The following SCN8A variants were observed in gnomAD, a reference collection of about 807,000 sequenced individuals.
SCN8A encodes sodium voltage-gated channel alpha subunit 8.
A neutral mutation model predicts 184.1 loss-of-function variants in SCN8A; 30 were observed. The observed-to-expected ratio is 0.16, with a 90% CI of 0.12 to 0.22. The LOEUF (loss-of-function observed/expected upper bound fraction) is 0.22, where lower values mean the gene tolerates loss of function less well. SCN8A is among the 10% of genes least tolerant of loss of function. SCN8A has a pLI of 1.00. For missense variants in SCN8A, 1,057 were observed against 2,498.9 expected (o/e 0.42, Z 12.30); for synonymous variants, 852 against 907.0 (o/e 0.94, Z 1.09).
chr12:51,711,664 C>T (rs1941878550), intron 11 of SCN8A, among the ~76,000 whole-genome samples: 1 of 151,172 alleles, frequency 6.6e-6, no homozygotes, highest in Non-Finnish European at 1.5e-5. Context: ...TTTCTCACAA[C>T]ATAGTTCAGT....
intron 1 of SCN8A, among the ~76,000 whole-genome samples, chr12:51,646,071 A>G (rs1318763875): frequency 6.6e-6 from 1 of 151,624 alleles, no homozygotes; most frequent in East Asian, 1.9e-4. Flanking sequence ...AAATGAGGAA[A>G]TGGTGGCCCC....
intron 1 of SCN8A, among the ~76,000 whole-genome samples, chr12:51,617,943 A>G (rs1352454937): frequency 6.6e-6 from 1 of 152,178 alleles, no homozygotes. Context: ...TGTGCTGTTT[A>G]GGGCCAGATA....
chr12:51,639,344 AG>A (rs1163103920), intron 1 of SCN8A, among the ~76,000 whole-genome samples: 3 of 152,340 alleles, frequency 2.0e-5, no homozygotes, highest in Middle Eastern at 6.8e-3. Flanking sequence ...CAATATATTT[AG>A]AATATTCCCT....
intron 6 of SCN8A, 102 bp downstream of exon 6, chr12:51,689,198 G>A (rs767583082): frequency 1.1e-6 from 1 of 884,490 alleles, no homozygotes; most frequent in East Asian, 2.7e-5. Context: ...GTTGATAATG[G>A]CCTTGCATTC....
In SCN8A at chr12:51,769,065, G is replaced by A. The variant is rs912679379; in HGVS notation, c.3102G>A (p.Leu1034=). 4 of 1,613,848 alleles carry A rather than the reference G, an allele frequency of 2.5e-6. No individual in the cohort carries two copies. The African/African-American group carries it at 5.3e-5, about 22-fold the overall frequency. Residue 1034 remains leucine (L), a synonymous_variant, in exon 17 of 27, where the codon CTG becomes CTA. Coordinates refer to ENST00000627620, the MANE Select transcript of SCN8A (RefSeq NM_001330260.2). ...GTGAGGCTGATGAGGTGAAGCCTCT[G>A]GATGAGTTGTATGAAAAGAAGGCCA... ...KQREADEVKP[L]DELYEKKANC...
intron 19 of SCN8A, 83 bp downstream of exon 19, chr12:51,770,766 C>A: frequency 7.0e-7 from 1 of 1,422,406 alleles, no homozygotes; most frequent in South Asian, 1.3e-5. Flanking sequence ...AGGCCAAAGC[C>A]CAGTGGCTCT....
intron 1 of SCN8A, among the ~76,000 whole-genome samples, chr12:51,600,968 G>A (rs1022892192): frequency 6.6e-6 from 1 of 152,170 alleles, no homozygotes; most frequent in Non-Finnish European, 1.5e-5. Context: ...TCATGTACAA[G>A]ATGTTAATAA....
intron 1 of SCN8A, among the ~76,000 whole-genome samples, chr12:51,655,294 T>C (rs1940799602): frequency 6.6e-6 from 1 of 152,222 alleles, no homozygotes; most frequent in South Asian, 2.1e-4. Flanking sequence ...ACTGGTTTTC[T>C]TTTCCTCTTT....
At chr12:51,740,248 G>T (rs1942398924) in intron 12 of SCN8A, among the ~76,000 whole-genome samples, 1 of 152,252 alleles carries the variant, frequency 6.6e-6, no homozygotes, top group South Asian at 2.1e-4. Flanking sequence ...TTTATGGCCA[G>T]ATTTTGGGGG....
chr12:51,789,478 G>A, intron 24 of SCN8A, 60 bp downstream of exon 24: 1 of 1,533,266 alleles, frequency 6.5e-7, no homozygotes, highest in Non-Finnish European at 8.9e-7. Context: ...AGGCACCTTT[G>A]TCCCTATCTC....
At chr12:51,623,500 G>A (rs1940008055) in intron 1 of SCN8A, among the ~76,000 whole-genome samples, 1 of 152,132 alleles carries the variant, frequency 6.6e-6, no homozygotes, top group Admixed American at 6.6e-5. Context: ...TGTAAAGCAG[G>A]TTCAGATTTG....
chr12:51,762,548 G>A lies in SCN8A; in HGVS notation c.2416G>A (p.Ala806Thr). 1.2e-6 allele frequency: 2 copies of A among 1,613,650 alleles called. No individual in the cohort carries two copies. The highest frequency in any genetic ancestry group is 1.7e-6 in the Non-Finnish European group (2 of 1,179,776). ...AGCGGAAATGTTCCTGAAGCTCATA[G>A]CCATGGATCCCTACTATTATTTCCA... ...FTAEMFLKLI[A>T]MDPYYYFQEG... The change falls in exon 15 of 27, where the codon GCC becomes ACC. Residue 806 changes from alanine to threonine, a missense_variant. This residue lies in a region of SCN8A where 66 missense variants were observed against 310.6 expected (regional missense o/e 0.21). Transcript: ENST00000627620.
At chr12:51,655,250 C>G (rs958925745) in intron 1 of SCN8A, among the ~76,000 whole-genome samples, 2 of 152,186 alleles carry the variant, frequency 1.3e-5, no homozygotes, top group African/African-American at 4.8e-5. Flanking sequence ...GATGACTTCT[C>G]TTCCTTTCAT....
At chr12:51,764,384 C>G (rs1364761366) in intron 15 of SCN8A, among the ~76,000 whole-genome samples, 1 of 152,138 alleles carries the variant, frequency 6.6e-6, no homozygotes, top group Non-Finnish European at 1.5e-5. Context: ...CCTGTAATCC[C>G]AGCACTTCAG....
At chr12:51,787,041 T>C (rs912373071) in intron 22 of SCN8A, among the ~76,000 whole-genome samples, 16 of 152,220 alleles carry the variant, frequency 1.1e-4, no homozygotes, top group African/African-American at 3.6e-4. Flanking sequence ...AAATCTCTCA[T>C]TGTGCTCAGG....
At chr12:51,658,669 T>A (rs1940870266) in intron 1 of SCN8A, among the ~76,000 whole-genome samples, 1 of 151,930 alleles carries the variant, frequency 6.6e-6, no homozygotes, top group Non-Finnish European at 1.5e-5. Flanking sequence ...TGGCAAAGGG[T>A]GGAGGCTGAA....
At chr12:51,686,949 C>A in intron 4 of SCN8A, 142 bp from the exon 5 acceptor site, 2 of 755,370 alleles carry the variant, frequency 2.6e-6, no homozygotes, top group Non-Finnish European at 4.4e-6. Context: ...TTCTCCTCCT[C>A]ACTTCCTTCC....
At chr12:51,593,536 C>T (rs1470697584) in intron 1 of SCN8A, among the ~76,000 whole-genome samples, 1 of 152,146 alleles carries the variant, frequency 6.6e-6, no homozygotes, top group African/African-American at 2.4e-5. Context: ...TGTTGCTTTC[C>T]TTGTAGGACC....
chr12:51,810,545 T>A lies in SCN8A; in HGVS notation c.*3116T>A, dbSNP rs1229833913. 5.9e-6 allele frequency: 1 copy of A among 170,172 alleles called. No individual in the cohort carries two copies. Among genetic ancestry groups the A allele is most frequent in the Non-Finnish European group, 1.2e-5 (1 of 83,162 alleles). The allele number at this position is 170,172 out of a possible 1,614,324, so 10.5% of individuals were successfully genotyped here. On this transcript the variant is annotated 3_prime_UTR_variant, in exon 27 of 27. Coordinates refer to ENST00000627620, the MANE Select transcript of SCN8A (RefSeq NM_001330260.2). ...ACATATATATATAGATATATAAATA[T>A]AATATAAATATTTATTTTTTGTAGC...
Sources: gnomAD v4.1 joint callset for allele counts (sites outside exome capture counted in the v4.1 genomes callset) on GRCh38, gnomAD v4.1.1 for gene constraint, gnomAD v4.1.1 regional missense constraint, MANE v1.5 for transcripts, NCBI Gene and HGNC (gene_info 2026-07-23, HGNC 2026-07-21) for gene names.